RGCC: variants seen among roughly 807,000 people sequenced by gnomAD.
RGCC encodes the protein regulator of cell cycle.
RGCC carries 15 observed loss-of-function variants against 15.4 expected under a neutral mutation model. That is an observed-to-expected ratio of 0.97 (90% CI 0.65 to 1.50). The LOEUF (loss-of-function observed/expected upper bound fraction) is 1.50, where lower values mean the gene tolerates loss of function less well. Ranked by LOEUF, RGCC falls within the 40% of genes most tolerant of loss-of-function variation. The probability of loss-of-function intolerance (pLI) is 0.00; values close to 1 mark genes in which losing one functional copy is unlikely to be tolerated. For missense variants in RGCC, 176 were observed against 189.7 expected (o/e 0.93, Z 0.42); for synonymous variants, 81 against 78.0 (o/e 1.04, Z -0.20).
chr13:41,457,657 C>T lies in RGCC; in HGVS notation c.-51C>T, dbSNP rs1262837042. 27 of 1,502,772 alleles carry T rather than the reference C, an allele frequency of 1.8e-5. No homozygotes were observed. The highest frequency in any genetic ancestry group is 2.1e-5 in the Non-Finnish European group (24 of 1,127,478). The allele number at this position is 1,502,772 out of a possible 1,614,324, so 93.1% of individuals were successfully genotyped here. A position where few individuals can be genotyped will look rare whatever the true frequency, so the allele number is the denominator to read the frequency against. On this transcript the variant is annotated 5_prime_UTR_variant, in exon 1 of 5. Coordinates refer to ENST00000379359, the MANE Select transcript of RGCC (RefSeq NM_014059.3). The surrounding 1 kb of genome is among the most constrained non-coding windows in gnomAD (Gnocchi z 4.9). ...GCAAGCCCCCGAATAGCCCCGGCTG[C>T]CACCTCGCAGGACCCAAGGCCACGC...
At chr13:41,467,941 A>T (rs2043857057) in intron 3 of RGCC, among the ~76,000 whole-genome samples, 1 of 152,252 alleles carries the variant, frequency 6.6e-6, no homozygotes, top group Non-Finnish European at 1.5e-5. Flanking sequence ...AAGAACAATT[A>T]GCCATTTGTA....
At chr13:41,463,452 C>T (rs898388588) in intron 2 of RGCC, among the ~76,000 whole-genome samples, 12 of 110,664 alleles carry the variant, frequency 1.1e-4, no homozygotes, top group Non-Finnish European at 1.3e-4. Flanking sequence ...CGAGCTGGGG[C>T]GTGAGCTAAT....
chr13:41,462,730 G>A (rs772964140), intron 2 of RGCC, among the ~76,000 whole-genome samples: 1 of 152,210 alleles, frequency 6.6e-6, no homozygotes, highest in Non-Finnish European at 1.5e-5. Flanking sequence ...AAGGAATAGA[G>A]TTCCAGGGGA....
rs1350288816 is a variant in RGCC at position 41,458,286 on chromosome 13, C to A, written c.51C>A (p.Ala17=). ...QGSPAAAAAA[A]PALDSAAAED... is the part of the protein sequence containing the mutation. ...CTGAGCCCCTGGCCCTGCCCGCAGC[C>A]CCGGCCCTGGACTCGGCGGCCGCGG... Residue 17 remains alanine, a splice_region_variant and synonymous_variant, in exon 2 of 5, where the codon GCC becomes GCA. Coordinates refer to ENST00000379359, the MANE Select transcript of RGCC (RefSeq NM_014059.3). This position sits in a 1 kb window ranked among gnomAD's most constrained non-coding sequence, Gnocchi z 4.4. 1.3e-6 allele frequency: 2 copies of A among 1,569,720 alleles called. No homozygotes were observed. Among genetic ancestry groups the A allele is most frequent in the Admixed American group, 1.8e-5 (1 of 55,884 alleles).
chr13:41,463,478 TGTGTGTGTGTG>T (rs2043831839), intron 2 of RGCC, among the ~76,000 whole-genome samples: 1 of 1,116 alleles, frequency 9.0e-4, no homozygotes, highest in Non-Finnish European at 5.7e-3. Context: ...TCTGTGTGTG[TGTGTGTGTGTG>T]TGTGTGTGTG....
intron 4 of RGCC, among the ~76,000 whole-genome samples, chr13:41,469,382 AAG>A (rs2043865277): frequency 6.6e-6 from 1 of 152,122 alleles, no homozygotes; most frequent in African/African-American, 2.4e-5. Flanking sequence ...GCTTGTGTTA[AAG>A]TAGACCATGT....
rs2043799946 is a variant in RGCC at position 41,457,765 on chromosome 13, G to A, written c.49+9G>A. 3 of 1,381,540 alleles carry A rather than the reference G, an allele frequency of 2.2e-6. No individual in the cohort carries two copies. The highest frequency in any genetic ancestry group is 1.8e-5 in the South Asian group (1 of 55,536). The allele number at this position is 1,381,540 out of a possible 1,614,324, so 85.6% of individuals were successfully genotyped here. On this transcript the variant is annotated intron_variant, in intron 1 of 4. Coordinates refer to ENST00000379359, the MANE Select transcript of RGCC (RefSeq NM_014059.3). The surrounding 1 kb of genome is among the most constrained non-coding windows in gnomAD (Gnocchi z 4.9). The stretch of plus-strand genomic sequence containing the variant: ...GGCCGCCGCGGCCGCAGGTGAGTGC[G>A]GGGTCCGGGGTCCCCTTAAAGTCTC...
intron 2 of RGCC, among the ~76,000 whole-genome samples, chr13:41,465,889 T>C (rs1435223552): frequency 6.6e-6 from 1 of 152,056 alleles, no homozygotes; most frequent in Non-Finnish European, 1.5e-5. Context: ...ACTGGATGTT[T>C]GTATTTTAGG....
chr13:41,462,181 G>A (rs1409866424), intron 2 of RGCC, among the ~76,000 whole-genome samples: 1 of 152,014 alleles, frequency 6.6e-6, no homozygotes, highest in East Asian at 1.9e-4. Context: ...TAAACGTGTG[G>A]GATCGTTCTA....
At chr13:41,469,295 T>TAAGAAGAAG (rs370476569) in intron 4 of RGCC, among the ~76,000 whole-genome samples, 42 of 86,740 alleles carry the variant, frequency 4.8e-4, no homozygotes, top group African/African-American at 1.3e-3. Context: ...ATAATAATAA[T>TAAGAAGAAG]AAGAAGAAGA....
chr13:41,458,154 C>T lies in RGCC; in HGVS notation c.50-131C>T. 2.8e-6 allele frequency: 2 copies of T among 723,134 alleles called. No individual in the cohort carries two copies. The highest frequency in any genetic ancestry group is 4.5e-6 in the Non-Finnish European group (2 of 449,124). 44.8% of individuals were successfully genotyped at this position (723,134 alleles called of 1,614,324 possible). Reference sequence around the variant, plus strand: ...GAAGATTACAAGGTAACAGCGACTGCGTGGCTGTCACTTGGCAGAGGCGCC... The same window carrying T: ...GAAGATTACAAGGTAACAGCGACTGTGTGGCTGTCACTTGGCAGAGGCGCC... On this transcript the variant is annotated intron_variant, in intron 1 of 4. Coordinates refer to ENST00000379359, the MANE Select transcript of RGCC (RefSeq NM_014059.3). The surrounding 1 kb of genome is among the most constrained non-coding windows in gnomAD (Gnocchi z 4.4).
chr13:41,466,755 A>C (rs1433521440), intron 2 of RGCC, 68 bp from the exon 3 acceptor site: 3 of 1,095,656 alleles, frequency 2.7e-6, no homozygotes, highest in Non-Finnish European at 4.2e-6. Context: ...TTATCAATAG[A>C]CTATAAAGTG....
chr13:41,457,650 C>A lies in RGCC; in HGVS notation c.-58C>A. ...CGGGACAGCAAGCCCCCGAATAGCC[C>A]CGGCTGCCACCTCGCAGGACCCAAG... is the stretch of plus-strand genomic sequence containing the variant. On this transcript the variant is annotated 5_prime_UTR_variant, in exon 1 of 5. Coordinates refer to ENST00000379359, the MANE Select transcript of RGCC (RefSeq NM_014059.3). This position sits in a 1 kb window ranked among gnomAD's most constrained non-coding sequence, Gnocchi z 4.9. 1 of 1,502,566 alleles carries A rather than the reference C, an allele frequency of 6.7e-7. No individual in the cohort carries two copies. Among genetic ancestry groups the A allele is most frequent in the Non-Finnish European group, 8.9e-7 (1 of 1,127,514 alleles). The allele number at this position is 1,502,566 out of a possible 1,614,324, so 93.1% of individuals were successfully genotyped here. A position where few individuals can be genotyped will look rare whatever the true frequency, so the allele number is the denominator to read the frequency against.
At position 41,457,842 on chromosome 13, in the gene RGCC, AC is replaced by A. The variant is rs1324434926; in HGVS notation, c.49+92del. The A allele has an allele frequency of 3.8e-6, 5 of 1,330,524 alleles. No homozygotes were observed. The highest frequency in any genetic ancestry group is 2.2e-5 in the South Asian group (1 of 45,770). 82.4% of individuals were successfully genotyped at this position (1,330,524 alleles called of 1,614,324 possible). A position where few individuals can be genotyped will look rare whatever the true frequency, so the allele number is the denominator to read the frequency against. On this transcript the variant is annotated intron_variant, in intron 1 of 4. Transcript: ENST00000379359. The surrounding 1 kb of genome is among the most constrained non-coding windows in gnomAD (Gnocchi z 4.9). ...GAGGGGCCCCGTGTCGTCCCTTCAC[AC>A]CCCCCACCCTTCCATCCTCCCCGGC... is the stretch of plus-strand genomic sequence containing the variant.
At position 41,470,749 on chromosome 13, in the gene RGCC, T is replaced by G. The variant is rs1297508628; in HGVS notation, c.*264T>G. ...TAATATTGTATTTTCTCTTAAAACATAGCTTTCCTGTAATTTAAAGTGCTT... is the reference window on the plus strand; with the variant it reads ...TAATATTGTATTTTCTCTTAAAACAGAGCTTTCCTGTAATTTAAAGTGCTT... On this transcript the variant is annotated 3_prime_UTR_variant, in exon 5 of 5. Coordinates refer to ENST00000379359, the MANE Select transcript of RGCC (RefSeq NM_014059.3). 2 of 367,336 alleles carry G rather than the reference T, an allele frequency of 5.4e-6. No homozygotes were observed. The highest frequency in any genetic ancestry group is 9.7e-6 in the Non-Finnish European group (2 of 206,376). The allele number at this position is 367,336 out of a possible 1,614,324, so 22.8% of individuals were successfully genotyped here.
intron 2 of RGCC, 146 bp from the exon 3 acceptor site, chr13:41,466,677 C>T: frequency 1.7e-6 from 1 of 587,634 alleles, no homozygotes; most frequent in East Asian, 3.0e-5. Context: ...CCGTGAGCCA[C>T]CCCATGCCTG....
intron 2 of RGCC, chr13:41,464,078 C>G (rs1277414524): frequency 1.3e-5 from 2 of 152,734 alleles, no homozygotes; most frequent in Non-Finnish European, 2.9e-5. Flanking sequence ...TGGAAAGTTG[C>G]TCTCCCAGGC....
chr13:41,461,640 G>A (rs1320194163), intron 2 of RGCC, among the ~76,000 whole-genome samples: 1 of 152,214 alleles, frequency 6.6e-6, no homozygotes, highest in Non-Finnish European at 1.5e-5. Flanking sequence ...GAAGTCTACT[G>A]TGTATGCTAG....
intron 2 of RGCC, among the ~76,000 whole-genome samples, chr13:41,463,305 C>G (rs2043830734): frequency 6.6e-6 from 1 of 150,410 alleles, no homozygotes; most frequent in African/African-American, 2.5e-5. Context: ...TGCGCCTCAG[C>G]TGCAGCAGGT....
Sources: allele counts gnomAD v4.1 joint callset (sites outside exome capture counted in the v4.1 genomes callset), GRCh38; gene constraint gnomAD v4.1.1; non-coding constraint Gnocchi (gnomAD v3.1); transcripts MANE v1.5; gene names NCBI Gene and HGNC (gene_info 2026-07-23, HGNC 2026-07-21).